Variants in KCNIP4 observed in about 807,000 individuals in gnomAD.
The protein encoded by KCNIP4 is potassium voltage-gated channel interacting protein 4.
KCNIP4 carries 12 observed loss-of-function variants against 34.0 expected under a neutral mutation model. The observed-to-expected ratio is 0.35, with a 90% CI of 0.23 to 0.57. The LOEUF is 0.57. Ranked by LOEUF, KCNIP4 falls within the 20% of genes least tolerant of loss-of-function variation. The probability of loss-of-function intolerance (pLI) is 0.83; values close to 1 mark genes in which losing one functional copy is unlikely to be tolerated. For missense variants in KCNIP4, 238 were observed against 311.7 expected (o/e 0.76, Z 1.78); for synonymous variants, 124 against 102.2 (o/e 1.21, Z -1.29).
intron 1 of KCNIP4, among the ~76,000 whole-genome samples, chr4:20,933,943 A>G (rs1039457647): frequency 1.3e-5 from 2 of 152,198 alleles, no homozygotes; most frequent in East Asian, 1.9e-4. Flanking sequence ...TCAATGTGAT[A>G]TATTTCCACA....
chr4:20,923,515 A>G (rs1729607157), intron 1 of KCNIP4, among the ~76,000 whole-genome samples: 1 of 152,166 alleles, frequency 6.6e-6, no homozygotes, highest in Non-Finnish European at 1.5e-5. Context: ...TCATTGATAC[A>G]TAGTTCATAA....
chr4:21,098,291 G>A (rs765123588), intron 1 of KCNIP4, among the ~76,000 whole-genome samples: 3 of 152,174 alleles, frequency 2.0e-5, no homozygotes, highest in Non-Finnish European at 4.4e-5. Flanking sequence ...GATGGAGGGG[G>A]CTGCATTAAA....
At chr4:21,265,022 C>T (rs953996408) in intron 1 of KCNIP4, among the ~76,000 whole-genome samples, 4 of 152,080 alleles carry the variant, frequency 2.6e-5, no homozygotes, top group African/African-American at 9.7e-5. Context: ...TTGCTTGAAT[C>T]CAAAAGGTGA....
At chr4:21,132,973 A>T (rs565166487) in intron 1 of KCNIP4, among the ~76,000 whole-genome samples, 100 of 151,732 alleles carry the variant, frequency 6.6e-4, no homozygotes, top group African/African-American at 2.3e-3. Flanking sequence ...AGATGGTGCC[A>T]CTGCACCCCA....
intron 3 of KCNIP4, among the ~76,000 whole-genome samples, chr4:20,789,184 TA>T (rs1251927861): frequency 6.6e-6 from 1 of 152,158 alleles, no homozygotes; most frequent in Non-Finnish European, 1.5e-5. Context: ...TTCTACATGT[TA>T]AAAACTCTAT....
intron 1 of KCNIP4, among the ~76,000 whole-genome samples, chr4:21,938,628 T>C (rs896429957): frequency 3.9e-5 from 6 of 152,184 alleles, no homozygotes; most frequent in Middle Eastern, 3.2e-3. Context: ...GTGATTATGA[T>C]AGATTTACTG....
intron 3 of KCNIP4, among the ~76,000 whole-genome samples, chr4:20,797,196 T>C (rs1224613514): frequency 6.6e-6 from 1 of 152,256 alleles, no homozygotes; most frequent in Non-Finnish European, 1.5e-5. Context: ...GATTTTTCTA[T>C]CTGCTATAGA....
At chr4:21,399,343 C>G (rs1362074727) in intron 1 of KCNIP4, among the ~76,000 whole-genome samples, 1 of 152,208 alleles carries the variant, frequency 6.6e-6, no homozygotes, top group Non-Finnish European at 1.5e-5. Flanking sequence ...TGAGACTGAC[C>G]CTCACAGGAT....
At chr4:21,815,787 C>T (rs1231358301) in intron 1 of KCNIP4, among the ~76,000 whole-genome samples, 2 of 152,128 alleles carry the variant, frequency 1.3e-5, no homozygotes, top group Non-Finnish European at 2.9e-5. Flanking sequence ...GTCTTTTATT[C>T]AGATCTCTCC....
At chr4:21,946,441 C>A (rs1457266189) in intron 1 of KCNIP4, among the ~76,000 whole-genome samples, 1 of 152,026 alleles carries the variant, frequency 6.6e-6, no homozygotes, top group African/African-American at 2.4e-5. Flanking sequence ...AACAAGAGAT[C>A]GGGACTATTA....
At chr4:21,512,167 AGGG>A (rs1423630681) in intron 1 of KCNIP4, among the ~76,000 whole-genome samples, 4 of 124,042 alleles carry the variant, frequency 3.2e-5, no homozygotes, top group African/African-American at 1.4e-4. Context: ...GGAGGGAGGG[AGGG>A]AGGAAGGAAG....
chr4:21,606,162 A>G (rs1379050209), intron 1 of KCNIP4, among the ~76,000 whole-genome samples: 3 of 152,150 alleles, frequency 2.0e-5, no homozygotes, highest in Admixed American at 1.3e-4. Flanking sequence ...AGATATGGGA[A>G]CTCAGAGAAA....
At chr4:21,115,857 G>C (rs1449530390) in intron 1 of KCNIP4, among the ~76,000 whole-genome samples, 1 of 152,144 alleles carries the variant, frequency 6.6e-6, no homozygotes, top group Non-Finnish European at 1.5e-5. Flanking sequence ...ATAGATATTT[G>C]ATATTATTTG....
chr4:21,698,965 T>A (rs10018079), intron 1 of KCNIP4, among the ~76,000 whole-genome samples: 13,328 of 152,222 alleles, frequency 0.088, 1,646 homozygotes, highest in African/African-American at 0.28. Flanking sequence ...TAACAAAGCA[T>A]GCATTCTAGG....
chr4:20,756,315 CCTT>C (rs1754438728), intron 4 of KCNIP4, among the ~76,000 whole-genome samples: 1 of 152,118 alleles, frequency 6.6e-6, no homozygotes, highest in South Asian at 2.1e-4. Context: ...TGAGATAAAA[CCTT>C]CTTCCTGAAC....
intron 1 of KCNIP4, among the ~76,000 whole-genome samples, chr4:21,452,510 A>C (rs1728596373): frequency 2.0e-5 from 3 of 152,084 alleles, no homozygotes; most frequent in South Asian, 4.1e-4. Context: ...ACTTAACCTG[A>C]ATGGAGATAA....
chr4:21,314,060 C>G (rs1449485672), intron 1 of KCNIP4, among the ~76,000 whole-genome samples: 1 of 152,164 alleles, frequency 6.6e-6, no homozygotes, highest in Non-Finnish European at 1.5e-5. Flanking sequence ...AAAGGATTCA[C>G]TTCCTTGTAG....
At chr4:21,050,613 C>G (rs532689483) in intron 1 of KCNIP4, among the ~76,000 whole-genome samples, 1 of 152,054 alleles carries the variant, frequency 6.6e-6, no homozygotes, top group African/African-American at 2.4e-5. Context: ...TTCTATAAAC[C>G]TTTCACAAAA....
intron 1 of KCNIP4, among the ~76,000 whole-genome samples, chr4:21,109,014 G>A (rs538066612): frequency 3.1e-4 from 47 of 152,314 alleles, no homozygotes; most frequent in African/African-American, 1.1e-3. Context: ...CCCTACTGGG[G>A]GGTGCCTCCC....
Sources: gnomAD v4.1 joint callset for allele counts (sites outside exome capture counted in the v4.1 genomes callset) on GRCh38, gnomAD v4.1.1 for gene constraint, MANE v1.5 for transcripts, NCBI Gene and HGNC (gene_info 2026-07-23, HGNC 2026-07-21) for gene names.